Variants in RIOX2 observed in about 807,000 individuals in gnomAD.
The protein encoded by RIOX2 is ribosomal oxygenase 2.
RIOX2 carries 43 observed loss-of-function variants against 51.2 expected under a neutral mutation model. The observed-to-expected ratio is 0.84, with a 90% CI of 0.66 to 1.08. RIOX2 has a LOEUF of 1.08. Ranked by LOEUF, RIOX2 falls within the 50% of genes least tolerant of loss-of-function variation. RIOX2 has a pLI of 0.00. For synonymous variants in RIOX2, 226 were observed against 218.5 expected (o/e 1.03, Z -0.30); for missense variants, 566 against 561.7 (o/e 1.01, Z -0.08).
Position 97,961,643 on chromosome 3 carries a change from C to A in RIOX2, c.498G>T (p.Val166=). 1 of 1,612,738 alleles carries A rather than the reference C, an allele frequency of 6.2e-7. No individual in the cohort carries two copies. Among genetic ancestry groups the A allele is most frequent in the Non-Finnish European group, 8.5e-7 (1 of 1,179,660 alleles). The part of the protein sequence containing the change: ...CYFGSLVGSN[V]YITPAGSQGL... ...CCTGAGATCCTGCGGGAGTTATGTA[C>A]ACATTCGAGCCAACCAAGGAGCCAA... Residue 166 remains valine (V), a synonymous_variant, in exon 3 of 10, where the codon GTG becomes GTT. Transcript: ENST00000394198.
At chr3:97,951,808 C>T (rs1173131301) in intron 5 of RIOX2, among the ~76,000 whole-genome samples, 11 of 152,174 alleles carry the variant, frequency 7.2e-5, no homozygotes, top group African/African-American at 2.2e-4. Context: ...TACTACCTGG[C>T]GGCCTCACTG....
intron 2 of RIOX2, among the ~76,000 whole-genome samples, chr3:97,965,210 T>TAAAAAAAAAAAAAA (rs10644219): frequency 8.7e-6 from 1 of 114,906 alleles, no homozygotes; most frequent in Non-Finnish European, 1.7e-5. Flanking sequence ...ACAAAGAGAT[T>TAAAAAAAAAAAAAA]AAAAAAAAAA....
rs977508635 is a variant in RIOX2 at position 97,943,901 on chromosome 3, A to C, written c.*1283T>G. 2.0e-5 allele frequency: 3 copies of C among 151,954 alleles called. No individual in the cohort carries two copies. Among genetic ancestry groups the C allele is most frequent in the African/African-American group, 4.8e-5 (2 of 41,428 alleles). The allele number at this position is 151,954 out of a possible 1,614,324, so 9.4% of individuals were successfully genotyped here. A position where few individuals can be genotyped will look rare whatever the true frequency, so the allele number is the denominator to read the frequency against. ...GTAACTAACCCCAGGCAGGGACCTC[A>C]GCTTTGTTAGGAATAAGGCACAAGA... is the stretch of plus-strand genomic sequence containing the variant. On this transcript the variant is annotated 3_prime_UTR_variant, in exon 10 of 10. Coordinates refer to ENST00000394198, the MANE Select transcript of RIOX2 (RefSeq NM_153182.4).
chr3:97,943,066 T>C lies in RIOX2; in HGVS notation c.*2118A>G. 3.4e-6 allele frequency: 2 copies of C among 580,686 alleles called. No homozygotes were observed. The highest frequency in any genetic ancestry group is 3.3e-5 in the Admixed American group (1 of 29,888). 36.0% of individuals were successfully genotyped at this position (580,686 alleles called of 1,614,324 possible). A position where few individuals can be genotyped will look rare whatever the true frequency, so the allele number is the denominator to read the frequency against. ...ATAAGGTCCAATTTGAGGTGAATAA[T>C]GGCTAAGCCTGTTCAAACTCAGCTT... On this transcript the variant is annotated 3_prime_UTR_variant, in exon 10 of 10. Coordinates refer to ENST00000394198, the MANE Select transcript of RIOX2 (RefSeq NM_153182.4).
chr3:97,947,799 AC>A (rs1190222282), intron 7 of RIOX2, among the ~76,000 whole-genome samples: 4 of 152,216 alleles, frequency 2.6e-5, no homozygotes, highest in South Asian at 2.1e-4. Flanking sequence ...TCTGTCCTCT[AC>A]AAGCTTCTCG....
At position 97,943,106 on chromosome 3, in the gene RIOX2, C is replaced by A; in HGVS notation, c.*2078G>T. ...AAACTCAGCTTCCCATTTCAGACTTCTTTGTAAATGACACATTCATCCACC... is the reference window on the plus strand; with the variant it reads ...AAACTCAGCTTCCCATTTCAGACTTATTTGTAAATGACACATTCATCCACC... On this transcript the variant is annotated 3_prime_UTR_variant, in exon 10 of 10. Coordinates refer to ENST00000394198, the MANE Select transcript of RIOX2 (RefSeq NM_153182.4). The A allele has an allele frequency of 1.6e-6, 1 of 621,344 alleles. No individual in the cohort carries two copies. Among genetic ancestry groups the A allele is most frequent in the African/African-American group, 1.9e-5 (1 of 53,300 alleles). 38.5% of individuals were successfully genotyped at this position (621,344 alleles called of 1,614,324 possible).
chr3:97,950,699 G>T, intron 6 of RIOX2, 87 bp downstream of exon 6: 1 of 1,013,584 alleles, frequency 9.9e-7, no homozygotes, highest in Non-Finnish European at 1.6e-6. Flanking sequence ...CATGTTGGAA[G>T]AAGTATCCTG....
At chr3:97,954,677 G>A (rs140513828) in intron 4 of RIOX2, among the ~76,000 whole-genome samples, 182 bp from the exon 5 acceptor site, 3 of 151,976 alleles carry the variant, frequency 2.0e-5, no homozygotes, top group Non-Finnish European at 4.4e-5. Context: ...CTCTGTGTCC[G>A]TGAGCCTGTC....
In RIOX2 at chr3:97,942,606, T is replaced by G; in HGVS notation, c.*2578A>C. 1 of 659,560 alleles carries G rather than the reference T, an allele frequency of 1.5e-6. No homozygotes were observed. Among genetic ancestry groups the G allele is most frequent in the Non-Finnish European group, 2.4e-6 (1 of 413,478 alleles). The allele number at this position is 659,560 out of a possible 1,614,324, so 40.9% of individuals were successfully genotyped here. ...ATAGGCAGTTTTACAAACAAAACAA[T>G]TAGCAGAAAAAGCCAAACAACAAAG... On this transcript the variant is annotated 3_prime_UTR_variant, in exon 10 of 10. Coordinates refer to ENST00000394198, the MANE Select transcript of RIOX2 (RefSeq NM_153182.4).
rs527525266 is a variant in RIOX2, at chr3:97,950,956, C to T, written c.786-68G>A. Reference sequence around the variant, plus strand: ...GTGCATACGAAATATACATAAAATACTTATTGCTAGTAAAGCCAAAAGCTA... The same window carrying T: ...GTGCATACGAAATATACATAAAATATTTATTGCTAGTAAAGCCAAAAGCTA... On this transcript the variant is annotated intron_variant, in intron 5 of 9. Transcript: ENST00000394198. 15 of 1,140,190 alleles carry T rather than the reference C, an allele frequency of 1.3e-5. No individual in the cohort carries two copies. The South Asian group carries it at 1.8e-4, about 14-fold the overall frequency. The allele number at this position is 1,140,190 out of a possible 1,614,324, so 70.6% of individuals were successfully genotyped here.
At chr3:97,965,116 C>T (rs986158313) in intron 2 of RIOX2, among the ~76,000 whole-genome samples, 9 of 151,148 alleles carry the variant, frequency 6.0e-5, no homozygotes, top group African/African-American at 2.0e-4. Context: ...TGCCAAACCA[C>T]CTTATAATAT....
chr3:97,958,954 T>C, intron 4 of RIOX2, 97 bp downstream of exon 4: 1 of 1,341,862 alleles, frequency 7.5e-7, no homozygotes, highest in Admixed American at 2.5e-5. Context: ...ACGGGGACCA[T>C]CACACGAACT....
intron 2 of RIOX2, among the ~76,000 whole-genome samples, chr3:97,966,054 G>T (rs1039216877): frequency 5.3e-5 from 8 of 152,152 alleles, no homozygotes; most frequent in Non-Finnish European, 2.9e-5. Flanking sequence ...CTGGAATCAG[G>T]ACTCATCTTG....
rs753846673 is a variant in RIOX2 at position 97,950,870 on chromosome 3, A to G, written c.804T>C (p.Leu268=). The G allele has an allele frequency of 1.2e-6, 2 of 1,613,800 alleles. No homozygotes were observed. Among genetic ancestry groups the G allele is most frequent in the South Asian group, 2.2e-5 (2 of 91,074 alleles). Residue 268 remains leucine, a synonymous_variant, in exon 6 of 10, where the codon CTT becomes CTC. Transcript: ENST00000394198. ...TYQNNSWGDF[L]LDTISGLVFD... ...ATACAAGCCCCGAGATGGTATCCAA[A>G]AGGAAATCTCCCCATGAACTAGGAT... is the stretch of plus-strand genomic sequence containing the variant.
intron 9 of RIOX2, 177 bp downstream of exon 9, chr3:97,945,621 G>T: frequency 1.6e-6 from 1 of 623,106 alleles, no homozygotes; most frequent in East Asian, 2.8e-5. Context: ...TGGTGTGCAT[G>T]TATCACAGAA....
chr3:97,947,380 A>G lies in RIOX2; in HGVS notation c.1130T>C (p.Leu377Pro), dbSNP rs1457135101. ...QFKDHIVLTV[L>P]PDQDQSDEAQ... ...ACTCACAGATTGATCTTGATCCGGC[A>G]GTACTGTGAGGACAATGTGGTCTTT... The change falls in exon 8 of 10, where the codon CTG becomes CCG. Residue 377 changes from leucine (L) to proline (P), a missense_variant. Coordinates refer to ENST00000394198, the MANE Select transcript of RIOX2 (RefSeq NM_153182.4). The G allele has an allele frequency of 6.2e-7, 1 of 1,613,130 alleles. No individual in the cohort carries two copies. The highest frequency in any genetic ancestry group is 8.5e-7 in the Non-Finnish European group (1 of 1,179,192).
rs1262025891 is a variant in RIOX2 at position 97,949,886 on chromosome 3, G to A, written c.1018C>T (p.Pro340Ser). The A allele has an allele frequency of 6.2e-7, 1 of 1,613,768 alleles. No individual in the cohort carries two copies. The highest frequency in any genetic ancestry group is 1.7e-5 in the Admixed American group (1 of 59,990). The change falls in exon 7 of 10, where the codon CCC becomes TCC. Residue 340 changes from proline to serine, a missense_variant. Transcript: ENST00000394198. ...GCCCCATCTCCCGCAGAGTAAGGGG[G>A]GAGTCTGTGCATAATAAAATCCTTC... is the stretch of plus-strand genomic sequence containing the variant. ...MKKDFIMHRL[P>S]PYSAGDGAEL...
chr3:97,954,440 G>A lies in RIOX2; in HGVS notation c.737C>T (p.Ala246Val), dbSNP rs757011364. The change falls in exon 5 of 10, where the codon GCG (alanine) becomes GTG (valine). Residue 246 changes from alanine (A) to valine (V), a missense_variant. Ala to Val is a moderately conservative substitution (Grantham distance 64). Transcript: ENST00000394198. ...CACGTGAGTAGAGTGGGCCAGCCCC[G>A]CAGGAGTGTCCGCTTGATGAATGGT... ...RGTIHQADTP[A>V]GLAHSTHVTI... 1.4e-5 allele frequency: 22 copies of A among 1,613,942 alleles called. No individual in the cohort carries two copies. The highest frequency in any genetic ancestry group is 1.6e-4 in the Middle Eastern group (1 of 6,076).
chr3:97,961,628 T>C lies in RIOX2; in HGVS notation c.513A>G (p.Ala171=). 1 of 1,612,174 alleles carries C rather than the reference T, an allele frequency of 6.2e-7. No individual in the cohort carries two copies. The change falls in exon 3 of 10, where the codon GCA becomes GCG. Residue 171 remains alanine (A), a synonymous_variant. Coordinates refer to ENST00000394198, the MANE Select transcript of RIOX2 (RefSeq NM_153182.4). The stretch of plus-strand genomic sequence containing the variant: ...AATGGGGCGGCAGGCCCTGAGATCC[T>C]GCGGGAGTTATGTACACATTCGAGC... ...LVGSNVYITP[A]GSQGLPPHYD... is the part of the protein sequence containing the mutation.
Sources: allele counts gnomAD v4.1 joint callset (sites outside exome capture counted in the v4.1 genomes callset), GRCh38; gene constraint gnomAD v4.1.1; transcripts MANE v1.5; gene names NCBI Gene and HGNC (gene_info 2026-07-23, HGNC 2026-07-21).